FLYWCH1: variants seen among roughly 807,000 people sequenced by gnomAD.
The protein encoded by FLYWCH1 is FLYWCH-type zinc finger 1, also known as FLYWCH-type zinc finger-containing protein 1.
In FLYWCH1, 75 loss-of-function variants were observed where a neutral mutation model predicts 66.4. The ratio of observed to expected loss-of-function variants is 1.13; its 90% CI spans 0.94 to 1.37. FLYWCH1 has a LOEUF of 1.37. Ranked by LOEUF, FLYWCH1 falls within the 40% of genes most tolerant of loss-of-function variation. The pLI, the probability that FLYWCH1 is intolerant of heterozygous loss-of-function variation, is 0.00. For synonymous variants in FLYWCH1, 595 were observed against 429.9 expected (o/e 1.38, Z -4.75); for missense variants, 1,334 against 1,001.8 (o/e 1.33, Z -4.48).
At chr16:2,945,943 G>A (rs949997645) in intron 9 of FLYWCH1, among the ~76,000 whole-genome samples, 11 of 152,092 alleles carry the variant, frequency 7.2e-5, no homozygotes, top group African/African-American at 2.4e-4. Context: ...CTTGCAGTGA[G>A]CCGAGATTGC....
intron 2 of FLYWCH1, among the ~76,000 whole-genome samples, chr16:2,924,954 G>C (rs115570208): frequency 6.6e-6 from 1 of 152,224 alleles, no homozygotes; most frequent in Non-Finnish European, 1.5e-5. Context: ...CCTGTGACTC[G>C]GGTACAGCTC....
Position 2,948,952 on chromosome 16 carries a change from T to C in FLYWCH1, c.*225T>C, listed in dbSNP as rs1211841161. The C allele has an allele frequency of 1.1e-5, 6 of 547,300 alleles. No homozygotes were observed. The highest frequency in any genetic ancestry group is 3.2e-5 in the Admixed American group (1 of 31,272). 33.9% of individuals were successfully genotyped at this position (547,300 alleles called of 1,614,324 possible). On this transcript the variant is annotated 3_prime_UTR_variant, in exon 10 of 10. Transcript: ENST00000253928. ...CAGAGCTGGCGCTTGCAGACGCAGC[T>C]GTCGTGGGGCAGGGCGGTGGCGCCT...
Position 2,933,931 on chromosome 16 carries a change from C to T in FLYWCH1, c.1465C>T (p.Leu489=). The T allele has an allele frequency of 4.5e-6, 7 of 1,567,858 alleles. No homozygotes were observed. The highest frequency in any genetic ancestry group is 6.1e-6 in the Non-Finnish European group (7 of 1,156,572). ...GCCCGACCTGGGAGGCCTGGAGGCCCTGAGGCAGCGGGAGAAACGCCCCAA... is the reference window on the plus strand; with the variant it reads ...GCCCGACCTGGGAGGCCTGGAGGCCTTGAGGCAGCGGGAGAAACGCCCCAA... ...HPPDLGGLEA[L]RQREKRPNTA... The change falls in exon 6 of 10, where the codon CTG becomes TTG. Residue 489 remains leucine (L), a synonymous_variant. Coordinates refer to ENST00000253928, the MANE Select transcript of FLYWCH1 (RefSeq NM_001308068.2).
At position 2,930,609 on chromosome 16, in the gene FLYWCH1, G is replaced by A. The variant is rs747880803; in HGVS notation, c.525G>A (p.Ala175=). Reference sequence around the variant, plus strand: ...CAGTGATGCGGGGCCACTGCCACGCGCCCGATGAGCAAGGCCTGGAGGCCC... The same window carrying A: ...CAGTGATGCGGGGCCACTGCCACGCACCCGATGAGCAAGGCCTGGAGGCCC... ...RATVMRGHCH[A]PDEQGLEARR... is the part of the protein sequence containing the mutation. The change falls in exon 4 of 10, where the codon GCG becomes GCA. Residue 175 remains alanine, a synonymous_variant. Transcript: ENST00000253928. The A allele has an allele frequency of 9.7e-5, 150 of 1,551,556 alleles. 1 individual carries two copies. The highest frequency in any genetic ancestry group is 1.2e-4 in the Non-Finnish European group (143 of 1,148,614).
In FLYWCH1 at chr16:2,933,152, C is replaced by G. The variant is rs756754287; in HGVS notation, c.819C>G (p.Phe273Leu). Residue 273 changes from phenylalanine (F) to leucine (L), a missense_variant, in exon 5 of 10, where the codon TTC (phenylalanine) becomes TTG (leucine). Coordinates refer to ENST00000253928, the MANE Select transcript of FLYWCH1 (RefSeq NM_001308068.2). ...TAGGACAGGCCCGGCCCCTCGAGTTCCTGAGGACGTGCTACGGGGGCAGCT... is the reference window on the plus strand; with the variant it reads ...TAGGACAGGCCCGGCCCCTCGAGTTGCTGAGGACGTGCTACGGGGGCAGCT... ...LGLGQARPLE[F>L]LRTCYGGSFL... 20 of 1,613,414 alleles carry G rather than the reference C, an allele frequency of 1.2e-5. No homozygotes were observed. In the South Asian group the frequency reaches 2.0e-4, roughly 16 times the overall value.
chr16:2,946,200 T>G (rs890006557), intron 9 of FLYWCH1, among the ~76,000 whole-genome samples: 2 of 151,846 alleles, frequency 1.3e-5, no homozygotes, highest in African/African-American at 4.8e-5. Flanking sequence ...TGTTGTATAC[T>G]AAGTGTGCAG....
intron 2 of FLYWCH1, among the ~76,000 whole-genome samples, chr16:2,924,185 C>T (rs373035853): frequency 2.0e-5 from 3 of 152,176 alleles, no homozygotes; most frequent in African/African-American, 7.2e-5. Context: ...AAAAAATTAG[C>T]CGGGCGTGGT....
chr16:2,923,115 C>CT, intron 2 of FLYWCH1: 2 of 401,446 alleles, frequency 5.0e-6, no homozygotes, highest in Non-Finnish European at 4.8e-6. Context: ...TTGTGAGGTT[C>CT]TTTTTTTGTG....
Position 2,933,301 on chromosome 16 carries a change from TG to T in FLYWCH1, c.969del (p.Thr324LeufsTer2), listed in dbSNP as rs2070843269. 6.2e-7 allele frequency: 1 copy of T among 1,611,230 alleles called. No homozygotes were observed. On this transcript the variant is annotated frameshift_variant, in exon 5 of 10. Transcript: ENST00000253928. LOFTEE classifies it high-confidence loss of function. ...CGGGCCATCACCCAGGGACAGCGGG[TG>T]ACTGTGATGCGTGGGCACTGCCACC... ...RSRAITQGQRVTVMRGHCHQP... is the reference protein window; with the variant it reads ...RSRAITQGQRXTVMRGHCHQP...
In FLYWCH1 at chr16:2,933,572, C is replaced by A. The variant is rs749707471; in HGVS notation, c.1239C>A (p.Asp413Glu). The A allele has an allele frequency of 1.9e-6, 3 of 1,591,266 alleles. No individual in the cohort carries two copies. Among genetic ancestry groups the A allele is most frequent in the Non-Finnish European group, 2.6e-6 (3 of 1,167,886 alleles). ...PEAPDEHQDM[D>E]ADPGGPEFLK... The stretch of plus-strand genomic sequence containing the variant: ...CCCCAGACGAGCACCAGGACATGGA[C>A]GCAGACCCGGGTGAGCTGCCTTCCT... Residue 413 changes from aspartate (D) to glutamate (E), a missense_variant, in exon 5 of 10, where the codon GAC becomes GAA. Asp to Glu is a conservative substitution (Grantham distance 45, BLOSUM62 2). Transcript: ENST00000253928.
intron 8 of FLYWCH1, among the ~76,000 whole-genome samples, chr16:2,939,393 T>C (rs989161460): frequency 2.0e-5 from 3 of 151,804 alleles, no homozygotes; most frequent in Admixed American, 1.3e-4. Flanking sequence ...GAGGCGGAGG[T>C]TGCAGTGAGC....
chr16:2,929,004 GCC>G (rs1263549168), intron 2 of FLYWCH1: 2 of 152,684 alleles, frequency 1.3e-5, no homozygotes, highest in East Asian at 3.9e-4. Flanking sequence ...GTCTGCCTGA[GCC>G]CAGAAAGGGC....
Position 2,933,855 on chromosome 16 carries a change from C to T in FLYWCH1, c.1389C>T (p.Arg463=), listed in dbSNP as rs61747744. 2.3e-3 allele frequency: 3,661 copies of T among 1,604,332 alleles called. 43 individuals are homozygous for T. Among genetic ancestry groups the T allele is most frequent in the African/African-American group, 0.021 (1,590 of 74,692 alleles). ...RDQARMGCRS[R]AITQGRRVTV... is the part of the protein sequence containing the mutation. ...AGGCCCGCATGGGCTGCCGCAGCCG[C>T]GCCATCACCCAGGGCCGACGGGTGA... The change falls in exon 6 of 10, where the codon CGC becomes CGT. Residue 463 remains arginine (R), a synonymous_variant. Transcript: ENST00000253928.
At chr16:2,919,656 A>G (rs1210723606) in intron 2 of FLYWCH1, among the ~76,000 whole-genome samples, 3 of 152,174 alleles carry the variant, frequency 2.0e-5, no homozygotes, top group African/African-American at 7.2e-5. Flanking sequence ...CAACCTCCCA[A>G]GTGGCTGGGA....
intron 4 of FLYWCH1, among the ~76,000 whole-genome samples, chr16:2,931,364 C>G (rs1039953991): frequency 6.7e-6 from 1 of 150,132 alleles, no homozygotes; most frequent in Non-Finnish European, 1.5e-5. Flanking sequence ...GTGTTCATGC[C>G]TATAATCCTA....
At chr16:2,938,054 G>T (rs1265033916) in intron 7 of FLYWCH1, 130 bp from the exon 8 acceptor site, 1 of 883,980 alleles carries the variant, frequency 1.1e-6, no homozygotes, top group African/African-American at 1.7e-5. Flanking sequence ...GAGGAGGGCA[G>T]GGACCACCGT....
At chr16:2,942,098 A>G (rs1365691532) in intron 9 of FLYWCH1, among the ~76,000 whole-genome samples, 1 of 152,102 alleles carries the variant, frequency 6.6e-6, no homozygotes, top group Non-Finnish European at 1.5e-5. Context: ...TAAAATTGAC[A>G]AATATTTAGC....
rs996657982 is a variant in FLYWCH1, at chr16:2,949,043, A to G, written c.*316A>G. ...GACGCCCCTGCTGTACGGCCACAGC[A>G]CCCCTGGGTTTGCAGAGCACGCAGC... On this transcript the variant is annotated 3_prime_UTR_variant, in exon 10 of 10. Coordinates refer to ENST00000253928, the MANE Select transcript of FLYWCH1 (RefSeq NM_001308068.2). 3.6e-4 allele frequency: 148 copies of G among 409,690 alleles called. No individual in the cohort carries two copies. The highest frequency in any genetic ancestry group is 6.0e-4 in the Non-Finnish European group (132 of 219,190). The allele number at this position is 409,690 out of a possible 1,614,324, so 25.4% of individuals were successfully genotyped here. A position where few individuals can be genotyped will look rare whatever the true frequency, so the allele number is the denominator to read the frequency against.
intron 6 of FLYWCH1, chr16:2,936,634 A>G (rs1252662067): frequency 1.3e-5 from 6 of 457,468 alleles, no homozygotes; most frequent in African/African-American, 1.2e-4. Context: ...CTCTCACCAC[A>G]TCCAGGACAG....
Sources: allele counts gnomAD v4.1 joint callset (sites outside exome capture counted in the v4.1 genomes callset), GRCh38; gene constraint gnomAD v4.1.1; transcripts MANE v1.5; gene names NCBI Gene and HGNC (gene_info 2026-07-23, HGNC 2026-07-21).